Variants in TSPEAR observed in about 807,000 individuals in gnomAD.
TSPEAR encodes thrombospondin type laminin G domain and EAR repeats, also known as thrombospondin-type laminin G domain and EAR repeat-containing protein.
Under a neutral mutation model 71.6 loss-of-function variants are expected in TSPEAR, and 69 were observed. The observed-to-expected ratio is 0.96, with a 90% CI of 0.79 to 1.18. The LOEUF (loss-of-function observed/expected upper bound fraction) is 1.18, where lower values mean the gene tolerates loss of function less well. Among genes scored for constraint, TSPEAR ranks in the 50% most tolerant of loss-of-function variants. The pLI, the probability that TSPEAR is intolerant of heterozygous loss-of-function variation, is 0.00. For synonymous variants in TSPEAR, 402 were observed against 387.2 expected (o/e 1.04, Z -0.45); for missense variants, 971 against 894.9 (o/e 1.09, Z -1.09).
chr21:44,683,877 A>T (rs2146301177), intron 1 of TSPEAR, among the ~76,000 whole-genome samples: 1 of 152,374 alleles, frequency 6.6e-6, no homozygotes, highest in African/African-American at 2.4e-5. Flanking sequence ...ATCTCAGTAG[A>T]GTAATTGAAG....
intron 11 of TSPEAR, among the ~76,000 whole-genome samples, chr21:44,502,805 C>T (rs1001021409): frequency 2.6e-5 from 4 of 151,894 alleles, no homozygotes; most frequent in South Asian, 2.1e-4. Context: ...GGTGAGCCCC[C>T]GGGGGGAAGC....
intron 1 of TSPEAR, among the ~76,000 whole-genome samples, chr21:44,598,314 C>T (rs1980507351): frequency 6.6e-6 from 1 of 152,212 alleles, no homozygotes; most frequent in Admixed American, 6.5e-5. Flanking sequence ...GGCGCAATCC[C>T]AGCCAATGGG....
rs370825100 is a variant in TSPEAR, at chr21:44,540,031, G to A, written c.304-6108C>T. 5.2e-5 allele frequency: 84 copies of A among 1,613,124 alleles called. No individual in the cohort carries two copies. In the African/African-American group the frequency reaches 9.5e-4, roughly 18 times the overall value. On this transcript the variant is annotated intron_variant, in intron 2 of 11. Transcript: ENST00000323084. The stretch of plus-strand genomic sequence containing the variant: ...GGGTGCAGACCAGGGTCAGGCAGGG[G>A]GCCGGGGCGCAGCAGCTGAGGGCGC...
chr21:44,539,797 G>A (rs782099832), intron 2 of TSPEAR: 4 of 1,613,358 alleles, frequency 2.5e-6, no homozygotes, highest in South Asian at 1.1e-5. Context: ...AGCATGAAGA[G>A]GAATCCTTAG....
chr21:44,533,986 C>T, intron 2 of TSPEAR, 63 bp from the exon 3 acceptor site: 3 of 1,241,180 alleles, frequency 2.4e-6, no homozygotes. Flanking sequence ...GGGGGCAGGG[C>T]AGATGGGAAT....
intron 9 of TSPEAR, among the ~76,000 whole-genome samples, chr21:44,521,227 C>T (rs587717294): frequency 5.3e-5 from 8 of 152,328 alleles, no homozygotes; most frequent in African/African-American, 1.2e-4. Flanking sequence ...AGGCTGAGCC[C>T]GAGGTGGGAG....
intron 1 of TSPEAR, among the ~76,000 whole-genome samples, chr21:44,622,439 A>G (rs1229690929): frequency 2.6e-5 from 4 of 152,186 alleles, no homozygotes; most frequent in Non-Finnish European, 5.9e-5. Context: ...GACTTATAAG[A>G]GTGGAAATTT....
intron 1 of TSPEAR, chr21:44,627,819 G>A (rs1369866572): frequency 1.2e-6 from 2 of 1,611,132 alleles, no homozygotes; most frequent in South Asian, 1.1e-5. Context: ...CTGGCTGCCA[G>A]CCGGCTTGCT....
chr21:44,653,434 A>G (rs1468383235), intron 1 of TSPEAR, among the ~76,000 whole-genome samples: 1 of 152,142 alleles, frequency 6.6e-6, no homozygotes, highest in African/African-American at 2.4e-5. Context: ...ACGGAGCCGG[A>G]ATCTCTGACA....
chr21:44,642,640 G>C lies in TSPEAR; in HGVS notation c.82+68793C>G, dbSNP rs1281823270. 6.6e-6 allele frequency among the ~76,000 whole-genome samples: 1 copy of C among 152,072 alleles called. No homozygotes were observed. Among genetic ancestry groups the C allele is most frequent in the South Asian group, 2.1e-4 (1 of 4,816 alleles). On this transcript the variant is annotated intron_variant, in intron 1 of 11. Transcript: ENST00000323084. The surrounding 1 kb of genome is among the most constrained non-coding windows in gnomAD (Gnocchi z 4.1). ...AGGCAGATCACGAGGTCAGGAGATC[G>C]AGACCATCCTGGCTAACACGGTGAA...
rs770707226 is a variant in TSPEAR at position 44,653,074 on chromosome 21, C to T, written c.82+58359G>A. On this transcript the variant is annotated intron_variant, in intron 1 of 11. Coordinates refer to ENST00000323084, the MANE Select transcript of TSPEAR (RefSeq NM_144991.3). Reference sequence around the variant, plus strand: ...TCGGGAGGCTGAGGCAGAAGAATGGCGTGAACTTGGGAGGTGGAGCTTGCA... The same window carrying T: ...TCGGGAGGCTGAGGCAGAAGAATGGTGTGAACTTGGGAGGTGGAGCTTGCA... Among the ~76,000 whole-genome samples, 5 of 152,064 alleles carry T rather than the reference C, an allele frequency of 3.3e-5. 1 individual carries two copies. Among genetic ancestry groups the T allele is most frequent in the South Asian group, 4.2e-4 (2 of 4,816 alleles).
intron 1 of TSPEAR, chr21:44,637,310 G>A (rs1983641942): frequency 7.0e-7 from 1 of 1,438,712 alleles, no homozygotes; most frequent in East Asian, 2.3e-5. Context: ...GGAAAACACA[G>A]GCCCTGGGCA....
chr21:44,526,932 G>A (rs782705490), intron 7 of TSPEAR, among the ~76,000 whole-genome samples: 2 of 152,252 alleles, frequency 1.3e-5, no homozygotes, highest in Non-Finnish European at 2.9e-5. Context: ...GGAAAGGAAG[G>A]ATCAGGAATG....
chr21:44,678,095 C>A lies in TSPEAR; in HGVS notation c.82+33338G>T, dbSNP rs113325809. 2,341 of 645,506 alleles carry A rather than the reference C, an allele frequency of 3.6e-3. 44 individuals are homozygous for A. The African/African-American group carries it at 0.037, about 10-fold the overall frequency. 40.0% of individuals were successfully genotyped at this position (645,506 alleles called of 1,614,324 possible). On this transcript the variant is annotated intron_variant, in intron 1 of 11. Transcript: ENST00000323084. The stretch of plus-strand genomic sequence containing the variant: ...TGACAGGCCCGCAGTATCTGTCGAG[C>A]GGACGGTGCTGCTGGTGGATGCGGG...
chr21:44,568,693 GCT>G (rs2053741037), intron 1 of TSPEAR, among the ~76,000 whole-genome samples: 1 of 152,214 alleles, frequency 6.6e-6, no homozygotes, highest in Admixed American at 6.5e-5. Flanking sequence ...CCTGGCCCAG[GCT>G]GAGTGGCTGG....
At chr21:44,599,732 G>A (rs1341713970) in intron 1 of TSPEAR, among the ~76,000 whole-genome samples, 3 of 152,216 alleles carry the variant, frequency 2.0e-5, no homozygotes, top group Non-Finnish European at 4.4e-5. Context: ...GATATTATTT[G>A]CAGAAGAAAT....
rs118137960 is a variant in TSPEAR at position 44,608,569 on chromosome 21, A to G, written c.83-40564T>C. ...CTGCAAATCAATAAGAAACACAAGT[A>G]GCCATATTTTAGAAAGCAAGCAAAT... On this transcript the variant is annotated intron_variant, in intron 1 of 11. Coordinates refer to ENST00000323084, the MANE Select transcript of TSPEAR (RefSeq NM_144991.3). 7.2e-4 allele frequency among the ~76,000 whole-genome samples: 110 copies of G among 152,394 alleles called. 1 individual carries two copies. The highest frequency in any genetic ancestry group is 6.9e-3 in the East Asian group (36 of 5,192).
rs587602171 is a variant in TSPEAR at position 44,525,922 on chromosome 21, C to T, written c.1150-83G>A. 587 of 1,360,334 alleles carry T rather than the reference C, an allele frequency of 4.3e-4. 3 individuals are homozygous for T. Among genetic ancestry groups the T allele is most frequent in the Non-Finnish European group, 7.1e-5 (68 of 963,114 alleles). 84.3% of individuals were successfully genotyped at this position (1,360,334 alleles called of 1,614,324 possible). On this transcript the variant is annotated intron_variant, in intron 7 of 11. Coordinates refer to ENST00000323084, the MANE Select transcript of TSPEAR (RefSeq NM_144991.3). The stretch of plus-strand genomic sequence containing the variant: ...GTTTCTGAAGGCTTCTGAACATCAG[C>T]ATCTCTCTCCAGATCCACGGCTGCT...
chr21:44,654,314 A>G (rs782675250), intron 1 of TSPEAR: 1 of 1,614,040 alleles, frequency 6.2e-7, no homozygotes, highest in South Asian at 1.1e-5. Context: ...ACAGGTCTAT[A>G]GACCAGGGTG....
Sources: gnomAD v4.1 joint callset for allele counts (sites outside exome capture counted in the v4.1 genomes callset) on GRCh38, gnomAD v4.1.1 for gene constraint, Gnocchi (gnomAD v3.1) non-coding constraint, MANE v1.5 for transcripts, NCBI Gene and HGNC (gene_info 2026-07-23, HGNC 2026-07-21) for gene names.